Variants in CDH4 observed in about 807,000 individuals in gnomAD.
CDH4 encodes cadherin 4.
In CDH4, 33 loss-of-function variants were observed where a neutral mutation model predicts 86.0. The observed-to-expected ratio is 0.38, with a 90% CI of 0.29 to 0.51. The LOEUF is 0.51. Among genes scored for constraint, CDH4 ranks in the 20% least tolerant of loss-of-function variants. CDH4 has a pLI of 0.86. For missense variants in CDH4, 1,114 were observed against 1,307.4 expected, an observed-to-expected ratio of 0.85 and a Z score of 2.28; for synonymous variants, 555 against 549.4, an observed-to-expected ratio of 1.01 and a Z score of -0.14.
intron 2 of CDH4, among the ~76,000 whole-genome samples, chr20:61,494,912 C>T (rs775603090): frequency 2.0e-5 from 3 of 152,242 alleles, no homozygotes; most frequent in African/African-American, 4.8e-5. Flanking sequence ...GACATTCATT[C>T]GCCCAACCTG....
intron 6 of CDH4, among the ~76,000 whole-genome samples, chr20:61,867,648 G>T (rs77784103): frequency 2.1e-3 from 324 of 151,826 alleles, no homozygotes; most frequent in African/African-American, 7.5e-3. Context: ...CTCCCCCCAG[G>T]CCCCTCCTCC....
intron 8 of CDH4, among the ~76,000 whole-genome samples, chr20:61,895,828 G>C (rs866997575): frequency 3.0e-4 from 45 of 152,206 alleles, no homozygotes; most frequent in African/African-American, 1.1e-3. Flanking sequence ...TGGGTCCATG[G>C]GGTGTGACAC....
At chr20:61,353,630 T>C (rs1568810267) in intron 2 of CDH4, among the ~76,000 whole-genome samples, 1 of 52,886 alleles carries the variant, frequency 1.9e-5, no homozygotes. Context: ...CTCCTCCTCA[T>C]CCTCCTCCTC....
chr20:61,317,502 T>C (rs2084483076), intron 2 of CDH4, among the ~76,000 whole-genome samples: 3 of 152,070 alleles, frequency 2.0e-5, no homozygotes, highest in Non-Finnish European at 4.4e-5. Flanking sequence ...CCATTGCATC[T>C]CCCAGCTCAC....
intron 2 of CDH4, among the ~76,000 whole-genome samples, chr20:61,444,807 G>C (rs984773255): frequency 6.7e-6 from 1 of 148,202 alleles, no homozygotes. Context: ...GTATGTATGT[G>C]TATCTTTGTG....
At chr20:61,314,145 G>C (rs540361339) in intron 2 of CDH4, among the ~76,000 whole-genome samples, 2 of 152,154 alleles carry the variant, frequency 1.3e-5, no homozygotes, top group African/African-American at 4.8e-5. Flanking sequence ...TTTATGGTCC[G>C]TTCCTTTTAC....
At chr20:61,763,473 G>A (rs1034946022) in intron 3 of CDH4, among the ~76,000 whole-genome samples, 19 of 152,228 alleles carry the variant, frequency 1.2e-4, no homozygotes, top group African/African-American at 3.6e-4. Flanking sequence ...CTGCGGAGCC[G>A]GTGCTCAGTT....
At chr20:61,809,065 G>A (rs1980290746) in intron 4 of CDH4, among the ~76,000 whole-genome samples, 1 of 152,236 alleles carries the variant, frequency 6.6e-6, no homozygotes, top group Admixed American at 6.5e-5. Context: ...TGGCACCTTG[G>A]AAAATGCCCG....
chr20:61,880,501 G>A (rs927130193), intron 7 of CDH4, among the ~76,000 whole-genome samples: 3 of 152,212 alleles, frequency 2.0e-5, no homozygotes. Context: ...AGAAGAGAGG[G>A]AAGGACAGCG....
chr20:61,284,373 C>T (rs769653112), intron 2 of CDH4, among the ~76,000 whole-genome samples: 1 of 152,046 alleles, frequency 6.6e-6, no homozygotes, highest in Admixed American at 6.6e-5. Context: ...TTTGTGTTTG[C>T]GTTTTCTACT....
At chr20:61,818,659 T>C (rs1329528524) in intron 4 of CDH4, among the ~76,000 whole-genome samples, 5 of 141,948 alleles carry the variant, frequency 3.5e-5, no homozygotes, top group Admixed American at 7.3e-5. Context: ...ACCTGAGCAA[T>C]AGAACGAAGT....
chr20:61,630,383 G>A (rs1228891044), intron 2 of CDH4, among the ~76,000 whole-genome samples: 1 of 152,220 alleles, frequency 6.6e-6, no homozygotes, highest in Non-Finnish European at 1.5e-5. Flanking sequence ...GGTCAGCAGG[G>A]AAGGGCGAAG....
At position 61,695,809 on chromosome 20, in the gene CDH4, C is replaced by T. The variant is rs75369927; in HGVS notation, c.170-47754C>T. ...CACCAACCTCCTTCGTCCAATCCTT[C>T]CCCTCTCTGCAGTTGGACTGCTGAG... On this transcript the variant is annotated intron_variant, in intron 2 of 15. Coordinates refer to ENST00000614565, the MANE Select transcript of CDH4 (RefSeq NM_001794.5). Among the ~76,000 whole-genome samples the T allele has an allele frequency of 1.8e-3, 273 of 152,362 alleles. 1 individual carries two copies. The highest frequency in any genetic ancestry group is 3.4e-3 in the Middle Eastern group (1 of 294).
At chr20:61,255,072 C>G in intron 2 of CDH4, 135 bp downstream of exon 2, 1 of 643,136 alleles carries the variant, frequency 1.6e-6, no homozygotes, top group South Asian at 1.8e-5. Flanking sequence ...CCACGAGGTG[C>G]AAATTGGTTG....
chr20:61,772,001 A>G (rs1433360161), intron 3 of CDH4, among the ~76,000 whole-genome samples: 1 of 152,150 alleles, frequency 6.6e-6, no homozygotes, highest in African/African-American at 2.4e-5. Context: ...GGCTGTGCTG[A>G]GTGACCGCGG....
At chr20:61,831,279 A>G (rs1981597717) in intron 4 of CDH4, among the ~76,000 whole-genome samples, 1 of 152,254 alleles carries the variant, frequency 6.6e-6, no homozygotes, top group Non-Finnish European at 1.5e-5. Flanking sequence ...AATCATGGTG[A>G]TGGGTCCTCG....
At position 61,800,695 on chromosome 20, in the gene CDH4, G is replaced by A. The variant is rs148734652; in HGVS notation, c.576+27513G>A. ...GGGGCTCACAGGAAGTGCTGGCAGT[G>A]CCCGGCTCAAGGCAGAGCCTCAGGC... On this transcript the variant is annotated intron_variant, in intron 4 of 15. Coordinates refer to ENST00000614565, the MANE Select transcript of CDH4 (RefSeq NM_001794.5). Among the ~76,000 whole-genome samples the A allele has an allele frequency of 6.8e-3, 1,034 of 152,338 alleles. 7 individuals are homozygous for A. Among genetic ancestry groups the A allele is most frequent in the South Asian group, 0.017 (81 of 4,828 alleles).
At chr20:61,819,527 C>T (rs780781543) in intron 4 of CDH4, among the ~76,000 whole-genome samples, 2 of 152,208 alleles carry the variant, frequency 1.3e-5, no homozygotes, top group African/African-American at 4.8e-5. Context: ...CAAAGGCGGC[C>T]GGGCTGCAGC....
rs141974826 is a variant in CDH4 at position 61,262,800 on chromosome 20, C to T, written c.169+7863C>T. ...TTCCCTCTCTCCTCCCTCCCTCCTT[C>T]CCTCCTTTCCTCTCTTCCCTCTCCC... On this transcript the variant is annotated intron_variant, in intron 2 of 15. Coordinates refer to ENST00000614565, the MANE Select transcript of CDH4 (RefSeq NM_001794.5). 2.2e-4 allele frequency among the ~76,000 whole-genome samples: 33 copies of T among 147,774 alleles called. 1 individual carries two copies. The East Asian group carries it at 6.0e-3, about 27-fold the overall frequency.
Sources: gnomAD v4.1 joint callset for allele counts (sites outside exome capture counted in the v4.1 genomes callset) on GRCh38, gnomAD v4.1.1 for gene constraint, MANE v1.5 for transcripts, NCBI Gene and HGNC (gene_info 2026-07-23, HGNC 2026-07-21) for gene names.